Variants in KCND3 observed in about 807,000 individuals in gnomAD.
KCND3 encodes the protein potassium voltage-gated channel subfamily D member 3, also known as A-type voltage-gated potassium channel KCND3.
Under a neutral mutation model 51.1 loss-of-function variants are expected in KCND3, and 9 were observed. That is an observed-to-expected ratio of 0.18 (90% CI 0.11 to 0.31). The LOEUF is 0.31. Among genes scored for constraint, KCND3 ranks in the 10% least tolerant of loss-of-function variants. The pLI is 1.00. For missense variants in KCND3, 526 were observed against 903.8 expected, an observed-to-expected ratio of 0.58 and a Z score of 5.36; for synonymous variants, 349 against 368.0, an observed-to-expected ratio of 0.95 and a Z score of 0.59.
At chr1:111,790,388 T>C (rs1218541675) in intron 2 of KCND3, among the ~76,000 whole-genome samples, 1 of 152,222 alleles carries the variant, frequency 6.6e-6, no homozygotes, top group Non-Finnish European at 1.5e-5. Context: ...CTATTTTGTC[T>C]GCTGACACCC....
rs145353901 is a variant in KCND3, at chr1:111,951,085, G to A, written c.1106+30536C>T. Among the ~76,000 whole-genome samples, 17 of 144,596 alleles carry A rather than the reference G, an allele frequency of 1.2e-4. No individual in the cohort carries two copies. In the East Asian group the frequency reaches 2.5e-3, roughly 22 times the overall value. 94.9% of individuals were successfully genotyped at this position (144,596 alleles called of 152,430 possible). On this transcript the variant is annotated intron_variant, in intron 2 of 7. Coordinates refer to ENST00000302127, the MANE Select transcript of KCND3 (RefSeq NM_001378969.1). ...CTTGGGAGGCCGAGGCAGGAGAACC[G>A]CTTGAATCTGAGAGATGGAGGTTGC...
chr1:111,799,727 C>A (rs570931425), intron 2 of KCND3, among the ~76,000 whole-genome samples: 2 of 152,354 alleles, frequency 1.3e-5, no homozygotes, highest in South Asian at 4.1e-4. Context: ...ATTCCTTTAG[C>A]CTGCACAGCT....
intron 2 of KCND3, among the ~76,000 whole-genome samples, chr1:111,880,728 T>C (rs1197049479): frequency 2.0e-5 from 3 of 152,224 alleles, no homozygotes. Flanking sequence ...TTAAATATCA[T>C]AGTTACTGCA....
intron 2 of KCND3, among the ~76,000 whole-genome samples, chr1:111,829,057 C>T (rs762067687): frequency 6.6e-6 from 1 of 152,196 alleles, no homozygotes; most frequent in Non-Finnish European, 1.5e-5. Context: ...CTATTTTCTT[C>T]TGTCATGTGA....
chr1:111,912,794 G>A (rs1260274021), intron 2 of KCND3, among the ~76,000 whole-genome samples: 2 of 152,072 alleles, frequency 1.3e-5, no homozygotes, highest in African/African-American at 4.8e-5. Context: ...TATAGAGTAC[G>A]GATGTAAATA....
At chr1:111,881,159 A>T in intron 2 of KCND3, among the ~76,000 whole-genome samples, 1 of 152,164 alleles carries the variant, frequency 6.6e-6, no homozygotes, top group South Asian at 2.1e-4. Flanking sequence ...GCTTGACTCC[A>T]TCCAGGCCAT....
chr1:111,808,798 G>C (rs1665697713), intron 2 of KCND3, among the ~76,000 whole-genome samples: 1 of 152,196 alleles, frequency 6.6e-6, no homozygotes, highest in Non-Finnish European at 1.5e-5. Context: ...TGCCAACTCT[G>C]CAAAAAGCAT....
At chr1:111,904,666 A>T (rs1424219995) in intron 2 of KCND3, among the ~76,000 whole-genome samples, 3 of 152,154 alleles carry the variant, frequency 2.0e-5, no homozygotes, top group Non-Finnish European at 4.4e-5. Flanking sequence ...GGGCACGGGC[A>T]CAGGCGAGAA....
At chr1:111,863,779 G>A (rs377100831) in intron 2 of KCND3, among the ~76,000 whole-genome samples, 9 of 152,298 alleles carry the variant, frequency 5.9e-5, no homozygotes, top group Non-Finnish European at 1.0e-4. Flanking sequence ...ATTTAAAAAC[G>A]GAGGCTGGAC....
At chr1:111,949,996 C>T (rs930308207) in intron 2 of KCND3, among the ~76,000 whole-genome samples, 1 of 152,166 alleles carries the variant, frequency 6.6e-6, no homozygotes, top group African/African-American at 2.4e-5. Flanking sequence ...CTGCAACCTC[C>T]ACCTCCCGGG....
At chr1:111,806,943 A>G (rs1023961147) in intron 2 of KCND3, among the ~76,000 whole-genome samples, 2 of 152,198 alleles carry the variant, frequency 1.3e-5, no homozygotes, top group Non-Finnish European at 2.9e-5. Context: ...GAGAGTAAAT[A>G]TCCCCTCTAT....
At chr1:111,866,430 A>G (rs971360884) in intron 2 of KCND3, among the ~76,000 whole-genome samples, 6 of 151,752 alleles carry the variant, frequency 4.0e-5, no homozygotes, top group African/African-American at 1.5e-4. Context: ...ATGCCCAGTC[A>G]ATTTTTGTAT....
chr1:111,856,985 C>T (rs561476563), intron 2 of KCND3: 1 of 152,326 alleles, frequency 6.6e-6, no homozygotes, highest in African/African-American at 2.4e-5. Context: ...ATTCATGTAC[C>T]TTTGACACAC....
At chr1:111,857,226 C>T (rs1221003329) in intron 2 of KCND3, among the ~76,000 whole-genome samples, 1 of 152,218 alleles carries the variant, frequency 6.6e-6, no homozygotes, top group Non-Finnish European at 1.5e-5. Context: ...CTAGGATCAT[C>T]ATCGCGGTGT....
intron 1 of KCND3, among the ~76,000 whole-genome samples, chr1:111,985,197 T>C (rs1258560796): frequency 6.6e-6 from 1 of 152,144 alleles, no homozygotes; most frequent in Non-Finnish European, 1.5e-5. Context: ...TCTCAGGCAG[T>C]CTGCTGAGGG....
chr1:111,820,559 G>A (rs2101596141), intron 2 of KCND3, among the ~76,000 whole-genome samples: 1 of 152,274 alleles, frequency 6.6e-6, no homozygotes, highest in African/African-American at 2.4e-5. Flanking sequence ...AGGTTAAAAA[G>A]CCCAACTCTA....
chr1:111,853,511 C>G (rs1667916340), intron 2 of KCND3, among the ~76,000 whole-genome samples: 1 of 152,174 alleles, frequency 6.6e-6, no homozygotes, highest in Non-Finnish European at 1.5e-5. Context: ...GTCACCTTGT[C>G]AGGCAACCTC....
At chr1:111,950,384 G>A (rs570128279) in intron 2 of KCND3, among the ~76,000 whole-genome samples, 1 of 152,252 alleles carries the variant, frequency 6.6e-6, no homozygotes, top group East Asian at 1.9e-4. Flanking sequence ...TGTCCTTGTG[G>A]TAGCACTTTT....
chr1:111,980,835 C>T (rs780520694), intron 2 of KCND3, among the ~76,000 whole-genome samples: 3 of 152,276 alleles, frequency 2.0e-5, no homozygotes, highest in Admixed American at 6.5e-5. Flanking sequence ...GAGGAGACCT[C>T]GGAGAGACGG....
Sources: allele counts gnomAD v4.1 joint callset (sites outside exome capture counted in the v4.1 genomes callset), GRCh38; gene constraint gnomAD v4.1.1; transcripts MANE v1.5; gene names NCBI Gene and HGNC (gene_info 2026-07-23, HGNC 2026-07-21).